SLC41A2: variants seen among roughly 807,000 people sequenced by gnomAD.
SLC41A2 encodes SLC41A1-like 1.
In SLC41A2, 32 loss-of-function variants were observed where a neutral mutation model predicts 58.3. The observed-to-expected ratio is 0.55, with a 90% CI of 0.41 to 0.74. The LOEUF (loss-of-function observed/expected upper bound fraction) is 0.74. Ranked by LOEUF, SLC41A2 falls within the 30% of genes least tolerant of loss-of-function variation. SLC41A2 has a pLI of 0.00. For synonymous variants in SLC41A2, 190 were observed against 235.0 expected, an observed-to-expected ratio of 0.81 and a Z score of 1.75; for missense variants, 514 against 680.6, an observed-to-expected ratio of 0.76 and a Z score of 2.72.
intron 1 of SLC41A2, among the ~76,000 whole-genome samples, chr12:104,944,998 C>T (rs796712272): frequency 4.0e-5 from 6 of 151,104 alleles, no homozygotes; most frequent in African/African-American, 1.5e-4. Flanking sequence ...TGGTGAAACC[C>T]TGTCTCTAAT....
chr12:104,833,982 C>A (rs766908840), intron 10 of SLC41A2: 14 of 977,010 alleles, frequency 1.4e-5, no homozygotes, highest in African/African-American at 1.8e-5. Context: ...GCACAGGAAG[C>A]AATGTCCTAA....
At chr12:104,876,725 C>T (rs547040854) in intron 6 of SLC41A2, among the ~76,000 whole-genome samples, 9 of 152,212 alleles carry the variant, frequency 5.9e-5, no homozygotes, top group African/African-American at 1.9e-4. Context: ...TAATGTTCCA[C>T]GTGCACTTGA....
intron 8 of SLC41A2, among the ~76,000 whole-genome samples, chr12:104,848,488 A>C (rs2042686985): frequency 6.6e-6 from 1 of 152,120 alleles, no homozygotes; most frequent in African/African-American, 2.4e-5. Flanking sequence ...GAAAATAAAA[A>C]CAGCAGAGAA....
intron 2 of SLC41A2, among the ~76,000 whole-genome samples, chr12:104,917,138 A>T (rs2046362259): frequency 6.6e-6 from 1 of 152,042 alleles, no homozygotes; most frequent in African/African-American, 2.4e-5. Flanking sequence ...GAAAAAAACA[A>T]ACAACCCCAT....
At chr12:104,851,292 T>C (rs2042789177) in intron 8 of SLC41A2, among the ~76,000 whole-genome samples, 1 of 152,182 alleles carries the variant, frequency 6.6e-6, no homozygotes. Context: ...CCAGAAACTG[T>C]ATAGATTTTC....
intron 10 of SLC41A2, among the ~76,000 whole-genome samples, chr12:104,843,434 T>C (rs2042487308): frequency 6.6e-6 from 1 of 152,094 alleles, no homozygotes; most frequent in Non-Finnish European, 1.5e-5. Flanking sequence ...ATTTTAAGGA[T>C]AGATTCTAAT....
chr12:104,829,395 G>T lies in SLC41A2; in HGVS notation c.1536+15077C>A, dbSNP rs527897274. On this transcript the variant is annotated intron_variant, in intron 10 of 10. Coordinates refer to ENST00000258538, the MANE Select transcript of SLC41A2 (RefSeq NM_001352171.3). ...ATGTTGAGTAAAAGGAGGAAACAAA[G>T]AGGACATACTTAGATTCAATATATA... Among the ~76,000 whole-genome samples, 16 of 152,250 alleles carry T rather than the reference G, an allele frequency of 1.1e-4. No homozygotes were observed. The South Asian group carries it at 3.1e-3, about 30-fold the overall frequency.
chr12:104,849,067 C>T (rs182031337), intron 8 of SLC41A2, among the ~76,000 whole-genome samples: 1 of 152,198 alleles, frequency 6.6e-6, no homozygotes, highest in Non-Finnish European at 1.5e-5. Flanking sequence ...AAATAAATTC[C>T]ACATGATTAA....
rs190885093 is a variant in SLC41A2 at position 104,948,392 on chromosome 12, A to G, written c.-168+9696T>C. ...CTCTAATCAGTAAGTCCTAAAAAAT[A>G]TATAAAAACTTAAACCTAAAGGAAA... On this transcript the variant is annotated intron_variant, in intron 1 of 10. Coordinates refer to ENST00000258538, the MANE Select transcript of SLC41A2 (RefSeq NM_001352171.3). 1.9e-3 allele frequency among the ~76,000 whole-genome samples: 294 copies of G among 152,226 alleles called. 2 individuals are homozygous for G. The South Asian group carries it at 0.029, about 15-fold the overall frequency.
intron 2 of SLC41A2, among the ~76,000 whole-genome samples, chr12:104,915,981 G>C (rs1056471248): frequency 6.6e-6 from 1 of 152,100 alleles, no homozygotes; most frequent in South Asian, 2.1e-4. Flanking sequence ...TAGCATAAGG[G>C]GTTGTTGAAT....
intron 5 of SLC41A2, among the ~76,000 whole-genome samples, chr12:104,887,300 A>G (rs906940238): frequency 6.6e-6 from 1 of 151,948 alleles, no homozygotes; most frequent in African/African-American, 2.4e-5. Flanking sequence ...AAATGACTCT[A>G]AATGTTTTTG....
At chr12:104,897,423 G>C (rs1183875417) in intron 3 of SLC41A2, among the ~76,000 whole-genome samples, 2 of 151,722 alleles carry the variant, frequency 1.3e-5, no homozygotes, top group Non-Finnish European at 2.9e-5. Context: ...GGGATTATAG[G>C]AGTGAGCCAC....
At chr12:104,865,028 T>C (rs1020776924) in intron 7 of SLC41A2, among the ~76,000 whole-genome samples, 1 of 152,152 alleles carries the variant, frequency 6.6e-6, no homozygotes, top group Non-Finnish European at 1.5e-5. Flanking sequence ...TCTGTGTACA[T>C]GGGCAGAGTT....
chr12:104,940,383 A>T (rs985767420), intron 1 of SLC41A2, among the ~76,000 whole-genome samples: 1 of 151,444 alleles, frequency 6.6e-6, no homozygotes, highest in Non-Finnish European at 1.5e-5. Context: ...GCATTAGGAG[A>T]TATACCTACT....
At chr12:104,844,414 G>A in intron 10 of SLC41A2, 58 bp downstream of exon 10, 2 of 1,144,624 alleles carry the variant, frequency 1.7e-6, no homozygotes, top group Non-Finnish European at 2.3e-6. Context: ...TATTTCCACA[G>A]TTGTACTTTT....
intron 8 of SLC41A2, among the ~76,000 whole-genome samples, chr12:104,857,256 G>T (rs1379817813): frequency 6.6e-6 from 1 of 152,060 alleles, no homozygotes; most frequent in Non-Finnish European, 1.5e-5. Context: ...TGGTCTAGGG[G>T]GTCTGAGGAA....
At chr12:104,950,443 T>C (rs545286131) in intron 1 of SLC41A2, among the ~76,000 whole-genome samples, 1 of 152,364 alleles carries the variant, frequency 6.6e-6, no homozygotes, top group South Asian at 2.1e-4. Flanking sequence ...CCTTCCGCCA[T>C]GACTGTAAGT....
chr12:104,838,100 A>G (rs190203311), intron 10 of SLC41A2, among the ~76,000 whole-genome samples: 54 of 152,310 alleles, frequency 3.5e-4, no homozygotes, highest in African/African-American at 1.3e-3. Context: ...AGTTAAGATA[A>G]TAACACTGAA....
chr12:104,925,315 T>C (rs2252843), intron 2 of SLC41A2, among the ~76,000 whole-genome samples: 77,869 of 152,066 alleles, frequency 0.51, 20,382 homozygotes, highest in Middle Eastern at 0.57. Flanking sequence ...TCCCAGCACT[T>C]TGGGAGGCCG....
Sources: allele counts gnomAD v4.1 joint callset (sites outside exome capture counted in the v4.1 genomes callset), GRCh38; gene constraint gnomAD v4.1.1; transcripts MANE v1.5; gene names NCBI Gene and HGNC (gene_info 2026-07-23, HGNC 2026-07-21).